CTNNA2: variants seen among roughly 807,000 people sequenced by gnomAD.
The protein encoded by CTNNA2 is catenin alpha 2.
CTNNA2 carries 42 observed loss-of-function variants against 101.0 expected under a neutral mutation model. The ratio of observed to expected loss-of-function variants is 0.42; its 90% CI spans 0.32 to 0.54. CTNNA2 has a LOEUF of 0.54. CTNNA2 is among the 20% of genes least tolerant of loss of function. The probability of loss-of-function intolerance (pLI) is 0.14; values close to 1 mark genes in which losing one functional copy is unlikely to be tolerated. For missense variants in CTNNA2, 871 were observed against 1,223.1 expected (o/e 0.71, Z 4.29); for synonymous variants, 450 against 456.4 (o/e 0.99, Z 0.18).
At chr2:80,265,318 G>T (rs1270873698) in intron 7 of CTNNA2, among the ~76,000 whole-genome samples, 1 of 152,148 alleles carries the variant, frequency 6.6e-6, no homozygotes, top group Admixed American at 6.5e-5. Flanking sequence ...TTGTATTTGT[G>T]AAACGTTTTT....
intron 18 of CTNNA2, among the ~76,000 whole-genome samples, chr2:80,621,637 A>T (rs2149808467): frequency 6.6e-6 from 1 of 152,118 alleles, no homozygotes; most frequent in Admixed American, 6.6e-5. Context: ...TAATAGATGT[A>T]GCTGATCTTA....
intron 3 of CTNNA2, among the ~76,000 whole-genome samples, chr2:79,758,569 G>A (rs959226565): frequency 1.3e-5 from 2 of 152,148 alleles, no homozygotes; most frequent in Non-Finnish European, 2.9e-5. Context: ...TAGTACCCAA[G>A]TTAGTTTTTC....
intron 4 of CTNNA2, among the ~76,000 whole-genome samples, chr2:79,489,540 T>G (rs933442512): frequency 1.3e-5 from 2 of 152,042 alleles, no homozygotes; most frequent in Non-Finnish European, 2.9e-5. Context: ...GGGCTTGGAG[T>G]TGATGTCCAA....
chr2:79,654,441 G>T (rs1442018528), intron 2 of CTNNA2, among the ~76,000 whole-genome samples: 6 of 152,090 alleles, frequency 3.9e-5, no homozygotes, highest in Non-Finnish European at 8.8e-5. Flanking sequence ...TCCCTTGTTT[G>T]TGTCACCTTC....
At chr2:79,392,139 A>G (rs1015276651) in intron 4 of CTNNA2, among the ~76,000 whole-genome samples, 1 of 152,220 alleles carries the variant, frequency 6.6e-6, no homozygotes, top group Non-Finnish European at 1.5e-5. Flanking sequence ...AAGTCAATCC[A>G]TAACAGTGTC....
intron 1 of CTNNA2, among the ~76,000 whole-genome samples, chr2:79,596,171 A>G (rs1677175349): frequency 6.6e-6 from 1 of 151,870 alleles, no homozygotes; most frequent in African/African-American, 2.4e-5. Context: ...TGAATTCCCA[A>G]ATGGCTCTAT....
At chr2:80,534,811 T>C (rs866263253) in intron 9 of CTNNA2, among the ~76,000 whole-genome samples, 1 of 152,164 alleles carries the variant, frequency 6.6e-6, no homozygotes, top group East Asian at 1.9e-4. Context: ...ATAACAATTT[T>C]CCTGATGCAG....
At chr2:80,427,426 C>G (rs994370463) in intron 9 of CTNNA2, among the ~76,000 whole-genome samples, 2 of 152,228 alleles carry the variant, frequency 1.3e-5, no homozygotes, top group African/African-American at 4.8e-5. Context: ...GTGTCCCTAA[C>G]TCCACTATCA....
intron 6 of CTNNA2, among the ~76,000 whole-genome samples, chr2:79,875,587 G>A (rs1682957648): frequency 6.6e-6 from 1 of 152,236 alleles, no homozygotes; most frequent in South Asian, 2.1e-4. Context: ...GATTGTTCAA[G>A]GCTTGGAGAT....
intron 4 of CTNNA2, among the ~76,000 whole-genome samples, chr2:79,447,761 C>T (rs1678849807): frequency 6.6e-6 from 1 of 152,026 alleles, no homozygotes; most frequent in Non-Finnish European, 1.5e-5. Context: ...AAAGTGCTTA[C>T]CCAATACTCA....
chr2:79,885,659 C>T (rs906366907), intron 6 of CTNNA2, among the ~76,000 whole-genome samples: 2 of 152,220 alleles, frequency 1.3e-5, no homozygotes, highest in Non-Finnish European at 2.9e-5. Context: ...TCTAGCAACC[C>T]TCCATGTTAG....
At chr2:80,311,508 A>G (rs1442350862) in intron 7 of CTNNA2, among the ~76,000 whole-genome samples, 2 of 152,192 alleles carry the variant, frequency 1.3e-5, no homozygotes, top group Non-Finnish European at 2.9e-5. Context: ...TATGAAGGCA[A>G]TTCCCACTTC....
chr2:79,601,861 A>G (rs1025410836), intron 1 of CTNNA2, among the ~76,000 whole-genome samples: 2 of 152,216 alleles, frequency 1.3e-5, no homozygotes, highest in African/African-American at 4.8e-5. Flanking sequence ...TGAAAATAAC[A>G]TGTTGAAGAT....
At chr2:80,466,511 A>T (rs1400849665) in intron 9 of CTNNA2, among the ~76,000 whole-genome samples, 1 of 152,218 alleles carries the variant, frequency 6.6e-6, no homozygotes, top group Non-Finnish European at 1.5e-5. Flanking sequence ...TTTAAAACTT[A>T]CTAGAGGAGC....
chr2:79,722,254 A>T (rs1419868993), intron 2 of CTNNA2, among the ~76,000 whole-genome samples: 1 of 152,178 alleles, frequency 6.6e-6, no homozygotes, highest in Admixed American at 6.5e-5. Context: ...AACGTATTTC[A>T]TATTTGTTTT....
intron 2 of CTNNA2, among the ~76,000 whole-genome samples, chr2:79,274,519 C>G (rs1675163821): frequency 6.6e-6 from 1 of 151,962 alleles, no homozygotes; most frequent in South Asian, 2.1e-4. Flanking sequence ...AAATAAATAA[C>G]CTCTTATCTT....
intron 4 of CTNNA2, among the ~76,000 whole-genome samples, chr2:79,444,759 G>A (rs2104521648): frequency 6.6e-6 from 1 of 152,178 alleles, no homozygotes; most frequent in Admixed American, 6.6e-5. Context: ...GTTGAGAGGA[G>A]CATCAATGTC....
At chr2:80,125,607 C>T (rs943963722) in intron 7 of CTNNA2, among the ~76,000 whole-genome samples, 2 of 152,196 alleles carry the variant, frequency 1.3e-5, no homozygotes, top group Admixed American at 6.5e-5. Flanking sequence ...CAGCCTCCTC[C>T]TACTGGTCCC....
intron 7 of CTNNA2, among the ~76,000 whole-genome samples, chr2:80,091,530 G>C (rs1307830195): frequency 6.6e-6 from 1 of 152,190 alleles, no homozygotes; most frequent in East Asian, 1.9e-4. Context: ...ATTTGGGCTA[G>C]AGCCAGCAGG....
Sources: allele counts gnomAD v4.1 joint callset (sites outside exome capture counted in the v4.1 genomes callset), GRCh38; gene constraint gnomAD v4.1.1; transcripts MANE v1.5; gene names NCBI Gene and HGNC (gene_info 2026-07-23, HGNC 2026-07-21).